The following XKR4 variants were observed in gnomAD, a reference collection of about 807,000 sequenced individuals.
XKR4 encodes the protein XK-related protein 4.
Under a neutral mutation model 53.9 loss-of-function variants are expected in XKR4, and 12 were observed. That is an observed-to-expected ratio of 0.22 (90% confidence interval 0.14 to 0.36). The LOEUF is 0.36. XKR4 is among the 10% of genes least tolerant of loss of function. The pLI, the probability that XKR4 is intolerant of heterozygous loss-of-function variation, is 1.00. For missense variants in XKR4, 799 were observed against 859.5 expected (o/e 0.93, Z 0.88); for synonymous variants, 354 against 362.4 (o/e 0.98, Z 0.26).
Position 55,164,357 on chromosome 8 carries a change from C to A in XKR4, c.806+61063C>A, listed in dbSNP as rs554928747. The A allele has an allele frequency of 6.6e-5, 30 of 456,054 alleles. No homozygotes were observed. In the East Asian group the frequency reaches 2.0e-3, roughly 31 times the overall value. The allele number at this position is 456,054 out of a possible 1,614,324, so 28.3% of individuals were successfully genotyped here. A position where few individuals can be genotyped will look rare whatever the true frequency, so the allele number is the denominator to read the frequency against. On this transcript the variant is annotated intron_variant, in intron 1 of 2. Transcript: ENST00000327381. ...AGATGACCCCTGAGTAGAAATAACT[C>A]CTATAAGTTCAGAGGTTCAGCCTTT...
chr8:55,360,371 C>T (rs1487528778), intron 2 of XKR4, among the ~76,000 whole-genome samples: 1 of 152,206 alleles, frequency 6.6e-6, no homozygotes, highest in Non-Finnish European at 1.5e-5. Context: ...ATCCCACTTA[C>T]AAACAAACCA....
chr8:55,261,935 G>A (rs2129371246), intron 1 of XKR4, among the ~76,000 whole-genome samples: 1 of 151,912 alleles, frequency 6.6e-6, no homozygotes, highest in Non-Finnish European at 1.5e-5. Context: ...ACTGTAAGCA[G>A]TATCTTTATC....
chr8:55,406,463 G>T (rs1212687181), intron 2 of XKR4, among the ~76,000 whole-genome samples: 1 of 152,130 alleles, frequency 6.6e-6, no homozygotes, highest in Non-Finnish European at 1.5e-5. Context: ...TAAGTGCCCT[G>T]CCCACAATCC....
intron 2 of XKR4, among the ~76,000 whole-genome samples, chr8:55,430,444 TTA>T (rs1244569449): frequency 5.9e-5 from 9 of 152,186 alleles, no homozygotes; most frequent in African/African-American, 1.7e-4. Context: ...ATGATTCAAT[TTA>T]TATAACATTC....
In XKR4 at chr8:55,127,414, G is replaced by A. The variant is rs368440370; in HGVS notation, c.806+24120G>A. 3.3e-5 allele frequency among the ~76,000 whole-genome samples: 5 copies of A among 151,510 alleles called. No individual in the cohort carries two copies. In the East Asian group the frequency reaches 7.8e-4, roughly 24 times the overall value. Reference sequence around the variant, plus strand: ...ATTACAGGCATGCACCACCATGCCCGGCTAATATTTGTATTTTTAGTAGAG... The same window carrying A: ...ATTACAGGCATGCACCACCATGCCCAGCTAATATTTGTATTTTTAGTAGAG... On this transcript the variant is annotated intron_variant, in intron 1 of 2. Transcript: ENST00000327381.
chr8:55,277,963 G>T (rs560117578), intron 1 of XKR4, among the ~76,000 whole-genome samples: 1 of 152,264 alleles, frequency 6.6e-6, no homozygotes, highest in African/African-American at 2.4e-5. Flanking sequence ...AATATCAATT[G>T]TGACTGGACT....
At chr8:55,145,557 T>TG (rs1816762725) in intron 1 of XKR4, among the ~76,000 whole-genome samples, 1 of 152,216 alleles carries the variant, frequency 6.6e-6, no homozygotes, top group South Asian at 2.1e-4. Flanking sequence ...CTGGCCGATT[T>TG]ATACAAAATG....
intron 1 of XKR4, among the ~76,000 whole-genome samples, chr8:55,275,974 G>T (rs1199761766): frequency 6.6e-6 from 1 of 152,150 alleles, no homozygotes; most frequent in Non-Finnish European, 1.5e-5. Context: ...GATGCTAAAG[G>T]TTATTCATGT....
intron 1 of XKR4, among the ~76,000 whole-genome samples, chr8:55,152,700 T>G (rs1276792131): frequency 6.6e-6 from 1 of 152,148 alleles, no homozygotes; most frequent in Admixed American, 6.5e-5. Context: ...AGATAACTGA[T>G]TAAAAAGTAG....
chr8:55,391,909 T>C (rs1278871201), intron 2 of XKR4, among the ~76,000 whole-genome samples: 1 of 152,194 alleles, frequency 6.6e-6, no homozygotes, highest in Non-Finnish European at 1.5e-5. Context: ...TACACTTTAA[T>C]AGTCAATTTT....
At chr8:55,240,390 T>C (rs1275829381) in intron 1 of XKR4, among the ~76,000 whole-genome samples, 5 of 152,156 alleles carry the variant, frequency 3.3e-5, no homozygotes, top group African/African-American at 9.7e-5. Context: ...AAAAAATACA[T>C]TTACAGACAT....
chr8:55,369,129 A>G (rs1455700512), intron 2 of XKR4, among the ~76,000 whole-genome samples: 1 of 151,954 alleles, frequency 6.6e-6, no homozygotes. Context: ...TGGGAGTCCA[A>G]GGCAGGAGGA....
chr8:55,260,179 C>G (rs977613570), intron 1 of XKR4, among the ~76,000 whole-genome samples: 5 of 152,144 alleles, frequency 3.3e-5, no homozygotes, highest in African/African-American at 1.2e-4. Flanking sequence ...ACAAATGAAT[C>G]CCTATTCTTT....
chr8:55,180,556 G>A (rs540827969), intron 1 of XKR4, among the ~76,000 whole-genome samples: 6 of 152,068 alleles, frequency 3.9e-5, no homozygotes, highest in South Asian at 2.1e-4. Context: ...TCTTTGAGAC[G>A]AAGTCTCACT....
In XKR4 at chr8:55,529,156, T is replaced by C. The variant is rs1003497951; in HGVS notation, c.*4929T>C. 9 of 151,762 alleles carry C rather than the reference T, an allele frequency of 5.9e-5. No individual in the cohort carries two copies. The highest frequency in any genetic ancestry group is 2.0e-4 in the Admixed American group (3 of 15,226). 9.4% of individuals were successfully genotyped at this position (151,762 alleles called of 1,614,324 possible). A position where few individuals can be genotyped will look rare whatever the true frequency, so the allele number is the denominator to read the frequency against. ...ATAATGAGCCATTTAATTTTGCTAATTGAAGCAATTAGTCTAACATGCAAG... is the reference window on the plus strand; with the variant it reads ...ATAATGAGCCATTTAATTTTGCTAACTGAAGCAATTAGTCTAACATGCAAG... On this transcript the variant is annotated 3_prime_UTR_variant, in exon 3 of 3. Transcript: ENST00000327381.
At chr8:55,151,100 C>T (rs933322933) in intron 1 of XKR4, among the ~76,000 whole-genome samples, 2 of 152,134 alleles carry the variant, frequency 1.3e-5, no homozygotes, top group Non-Finnish European at 2.9e-5. Context: ...GTAAGATTGT[C>T]TTTTATTTAT....
intron 1 of XKR4, among the ~76,000 whole-genome samples, chr8:55,199,624 A>G (rs564026436): frequency 6.6e-6 from 1 of 152,224 alleles, no homozygotes; most frequent in East Asian, 1.9e-4. Context: ...CTGAGCACTG[A>G]GTCTTTGGAC....
intron 1 of XKR4, among the ~76,000 whole-genome samples, chr8:55,352,896 G>A (rs546495333): frequency 3.5e-4 from 54 of 152,318 alleles, no homozygotes; most frequent in Admixed American, 1.4e-3. Flanking sequence ...AGTAAAGGCC[G>A]AAAATGCCCC....
chr8:55,392,084 A>G (rs1012325299), intron 2 of XKR4, among the ~76,000 whole-genome samples: 2 of 152,250 alleles, frequency 1.3e-5, no homozygotes, highest in Non-Finnish European at 2.9e-5. Flanking sequence ...GCTCATTAGT[A>G]TAGTTCAAGT....
Sources: allele counts gnomAD v4.1 joint callset (sites outside exome capture counted in the v4.1 genomes callset), GRCh38; gene constraint gnomAD v4.1.1; transcripts MANE v1.5; gene names NCBI Gene and HGNC (gene_info 2026-07-23, HGNC 2026-07-21).